The following SRPX variants were observed in gnomAD, a reference collection of about 807,000 sequenced individuals.
SRPX encodes sushi repeat containing protein X-linked.
In SRPX, 24 loss-of-function variants were observed where a neutral mutation model predicts 38.1. The ratio of observed to expected loss-of-function variants is 0.63; its 90% CI spans 0.46 to 0.89. The LOEUF (loss-of-function observed/expected upper bound fraction) is 0.89, where lower values mean the gene tolerates loss of function less well. Ranked by LOEUF, SRPX falls within the 40% of genes least tolerant of loss-of-function variation. The pLI, the probability that SRPX is intolerant of heterozygous loss-of-function variation, is 0.00. For missense variants in SRPX, 416 were observed against 377.8 expected (o/e 1.10, Z -0.84); for synonymous variants, 184 against 153.8 (o/e 1.20, Z -1.45).
intron 8 of SRPX, 23 bp from the exon 9 acceptor site, chrX:38,154,606 G>A: frequency 6.6e-6 from 8 of 1,205,882 alleles, no homozygotes; most frequent in Non-Finnish European, 9.0e-6. Flanking sequence ...AAACCCAACA[G>A]GGGAAGTATG....
intron 8 of SRPX, among the ~76,000 whole-genome samples, chrX:38,155,608 T>C (rs972551123): frequency 8.9e-6 from 1 of 112,272 alleles, no homozygotes; most frequent in African/African-American, 3.2e-5. Context: ...ACAAATGAAT[T>C]AGTGTGGCTG....
chrX:38,149,589 A>G lies in SRPX; in HGVS notation c.*122T>C. The G allele has an allele frequency of 6.8e-6, 5 of 730,318 alleles. No individual in the cohort carries two copies. The highest frequency in any genetic ancestry group is 9.4e-6 in the Non-Finnish European group (5 of 533,279). The allele number at this position is 730,318 out of a possible 1,213,427, so 60.2% of individuals were successfully genotyped here. ...ATTTTTAAGTGCAAAGAAAGCTCAT[A>G]ATAAAATAGACTTTTAAAATTACAA... On this transcript the variant is annotated 3_prime_UTR_variant, in exon 10 of 10. Transcript: ENST00000378533.
chrX:38,162,617 C>T (rs1436798055), intron 5 of SRPX, among the ~76,000 whole-genome samples: 1 of 112,202 alleles, frequency 8.9e-6, no homozygotes, highest in African/African-American at 3.2e-5. Context: ...AGTGCAAGAC[C>T]AGCCTGGCCA....
At chrX:38,178,186 T>C in intron 2 of SRPX, 99 bp downstream of exon 2, 1 of 543,192 alleles carries the variant, frequency 1.8e-6, no homozygotes, top group Non-Finnish European at 3.0e-6. Flanking sequence ...AACTTAAATG[T>C]GTTGTCTGGT....
At chrX:38,198,820 ATAATACCATAAGCCACTCG>A (rs1478202742) in intron 1 of SRPX, among the ~76,000 whole-genome samples, 4 of 111,572 alleles carry the variant, frequency 3.6e-5, no homozygotes, top group African/African-American at 1.3e-4. Flanking sequence ...ACAATCAGGG[ATAATACCATAAGCCACTCG>A]TAATAAATAT....
intron 1 of SRPX, among the ~76,000 whole-genome samples, chrX:38,210,274 G>A (rs1195419569): frequency 8.9e-6 from 1 of 111,900 alleles, no homozygotes; most frequent in Non-Finnish European, 1.9e-5. Context: ...CTGGTCTACA[G>A]ACCCCACTTT....
In SRPX at chrX:38,149,706, T is replaced by C; in HGVS notation, c.*5A>G. Reference sequence around the variant, plus strand: ...AGAGGAATTGCCAAGAGAGGAACCATCATGTCAGGTGTTACAGGTCTGGCT... The same window carrying C: ...AGAGGAATTGCCAAGAGAGGAACCACCATGTCAGGTGTTACAGGTCTGGCT... On this transcript the variant is annotated 3_prime_UTR_variant, in exon 10 of 10. Coordinates refer to ENST00000378533, the MANE Select transcript of SRPX (RefSeq NM_006307.5). 1 of 1,204,628 alleles carries C rather than the reference T, an allele frequency of 8.3e-7. No individual in the cohort carries two copies.
At chrX:38,219,746 A>G (rs951254008) in intron 1 of SRPX, among the ~76,000 whole-genome samples, 6 of 111,541 alleles carry the variant, frequency 5.4e-5, no homozygotes, top group Non-Finnish European at 9.4e-5. Context: ...ACGGTGTTGA[A>G]CGCAGAGCCA....
intron 8 of SRPX, 100 bp from the exon 9 acceptor site, chrX:38,154,683 G>A (rs1938098403): frequency 1.9e-6 from 2 of 1,051,284 alleles, no homozygotes; most frequent in South Asian, 4.6e-5. Context: ...CCTGTCTCTG[G>A]AAGTTTATTT....
At chrX:38,191,265 A>G (rs1427736487) in intron 1 of SRPX, among the ~76,000 whole-genome samples, 2 of 112,242 alleles carry the variant, frequency 1.8e-5, no homozygotes, top group African/African-American at 6.5e-5. Flanking sequence ...GAAATAGATG[A>G]CTAAAACATA....
At chrX:38,192,577 T>C (rs988357813) in intron 1 of SRPX, among the ~76,000 whole-genome samples, 2 of 112,573 alleles carry the variant, frequency 1.8e-5, no homozygotes, top group African/African-American at 6.5e-5. Context: ...TTATTGAGAG[T>C]GCTGTGATCC....
At chrX:38,220,351 G>A (rs1390221626) in intron 1 of SRPX, among the ~76,000 whole-genome samples, 1 of 113,291 alleles carries the variant, frequency 8.8e-6, no homozygotes, top group African/African-American at 3.2e-5. Context: ...AAATTCTGGG[G>A]GTGAGAAAGT....
intron 1 of SRPX, among the ~76,000 whole-genome samples, chrX:38,195,705 T>C (rs1338114254): frequency 1.8e-5 from 2 of 111,827 alleles, no homozygotes; most frequent in Non-Finnish European, 3.8e-5. Context: ...ACTCAAAAGT[T>C]TGGAGACAGC....
intron 1 of SRPX, among the ~76,000 whole-genome samples, chrX:38,194,490 A>G (rs922247095): frequency 1.8e-5 from 2 of 112,184 alleles, no homozygotes; most frequent in African/African-American, 3.2e-5. Flanking sequence ...AAAGTCAAAG[A>G]TATGTATGCA....
In SRPX at chrX:38,149,830, T is replaced by C; in HGVS notation, c.1276A>G (p.Lys426Glu). ...ATCACCAGGGAGACATAGCGCTCTT[T>C]GTCCATGCCATGCTTATCCACTAGC... is the stretch of plus-strand genomic sequence containing the variant. ...MVLVDKHGMD[K>E]ERYVSLVMPV... The change falls in exon 10 of 10, where the codon AAA (lysine) becomes GAA (glutamate). Residue 426 changes from lysine to glutamate, a missense_variant. By Grantham distance (56) the Lys-to-Glu change is moderately conservative. Transcript: ENST00000378533. 8.3e-7 allele frequency: 1 copy of C among 1,211,343 alleles called. No individual in the cohort carries two copies. The highest frequency in any genetic ancestry group is 1.1e-6 in the Non-Finnish European group (1 of 895,360).
At chrX:38,194,695 G>T (rs1324383767) in intron 1 of SRPX, among the ~76,000 whole-genome samples, 1 of 110,814 alleles carries the variant, frequency 9.0e-6, no homozygotes, top group Non-Finnish European at 1.9e-5. Flanking sequence ...AAGATAACGT[G>T]AATGAAAAAA....
intron 1 of SRPX, among the ~76,000 whole-genome samples, chrX:38,185,254 G>A (rs113478703): frequency 0.014 from 1,577 of 112,058 alleles, 30 homozygotes; most frequent in African/African-American, 0.042. Flanking sequence ...ATTTTGGATG[G>A]TTTTATTCTA....
chrX:38,212,944 G>A (rs1939356970), intron 1 of SRPX, among the ~76,000 whole-genome samples: 1 of 111,814 alleles, frequency 8.9e-6, no homozygotes, highest in Non-Finnish European at 1.9e-5. Flanking sequence ...AGATCTACAT[G>A]TGGCCAGATG....
intron 1 of SRPX, among the ~76,000 whole-genome samples, chrX:38,188,654 T>C (rs554092980): frequency 9.0e-6 from 1 of 111,532 alleles, no homozygotes; most frequent in African/African-American, 3.3e-5. Flanking sequence ...ATATTTAAGG[T>C]TTACAACATG....
Sources: gnomAD v4.1 joint callset for allele counts (sites outside exome capture counted in the v4.1 genomes callset) on GRCh38, gnomAD v4.1.1 for gene constraint, MANE v1.5 for transcripts, NCBI Gene and HGNC (gene_info 2026-07-23, HGNC 2026-07-21) for gene names.